Variants in HECTD4 observed in about 807,000 individuals in gnomAD.
The protein encoded by HECTD4 is probable E3 ubiquitin-protein ligase HECTD4.
A neutral mutation model predicts 471.5 loss-of-function variants in HECTD4; 114 were observed. The observed-to-expected ratio is 0.24, with a 90% CI of 0.21 to 0.28. The LOEUF is 0.28. Among genes scored for constraint, HECTD4 ranks in the 10% least tolerant of loss-of-function variants. The probability of loss-of-function intolerance (pLI) is 1.00; values close to 1 mark genes in which losing one functional copy is unlikely to be tolerated. For synonymous variants in HECTD4, 2,012 were observed against 2,256.0 expected, an observed-to-expected ratio of 0.89 and a Z score of 3.07; for missense variants, 3,866 against 5,651.5, an observed-to-expected ratio of 0.68 and a Z score of 10.13.
Position 112,179,158 on chromosome 12 carries a change from G to A in HECTD4, c.11211+16C>T. 6.2e-7 allele frequency: 1 copy of A among 1,613,390 alleles called. No homozygotes were observed. On this transcript the variant is annotated intron_variant, in intron 63 of 75. Coordinates refer to ENST00000682272, the MANE Select transcript of HECTD4 (RefSeq NM_001388303.1). This position sits in a 1 kb window ranked among gnomAD's most constrained non-coding sequence, Gnocchi z 4.3. ...ACCCAAGGCCCGGCCTGGGTATGGT[G>A]GGGACGGGCAGCTACCTGGGTGAGC...
chr12:112,350,388 T>C (rs945032792), intron 1 of HECTD4, among the ~76,000 whole-genome samples: 10 of 152,214 alleles, frequency 6.6e-5, no homozygotes, highest in African/African-American at 2.4e-4. Flanking sequence ...ATAATATTAT[T>C]TTGTATAACT....
At chr12:112,240,359 A>G (rs775374509) in intron 32 of HECTD4, among the ~76,000 whole-genome samples, 2 of 152,236 alleles carry the variant, frequency 1.3e-5, no homozygotes, top group Non-Finnish European at 2.9e-5. Context: ...ACATTTTCCA[A>G]ACTTATTTGA....
intron 32 of HECTD4, among the ~76,000 whole-genome samples, chr12:112,242,146 A>G (rs576356430): frequency 6.6e-6 from 1 of 152,352 alleles, no homozygotes; most frequent in South Asian, 2.1e-4. Context: ...GTTCAGTAAT[A>G]ACAGTTATGG....
intron 1 of HECTD4, among the ~76,000 whole-genome samples, chr12:112,367,892 G>A (rs538672362): frequency 1.4e-5 from 2 of 144,146 alleles, no homozygotes; most frequent in East Asian, 4.2e-4. Context: ...TTTCTACTCT[G>A]CCCCATAAAT....
chr12:112,302,542 T>G (rs1026567628), intron 7 of HECTD4: 12 of 712,978 alleles, frequency 1.7e-5, no homozygotes, highest in Non-Finnish European at 1.0e-5. Context: ...CTGGATGTCC[T>G]GTCCAATACC....
intron 72 of HECTD4, 55 bp from the exon 73 acceptor site, chr12:112,164,330 T>G: frequency 1.9e-6 from 3 of 1,552,302 alleles, no homozygotes; most frequent in Non-Finnish European, 2.6e-6. Flanking sequence ...GGTGGAACCC[T>G]GATCCCCAGG....
chr12:112,205,488 A>G (rs1464864801), intron 52 of HECTD4, among the ~76,000 whole-genome samples: 2 of 152,244 alleles, frequency 1.3e-5, no homozygotes, highest in Non-Finnish European at 2.9e-5. Context: ...CAAAATGACT[A>G]AAAATGGTCC....
At chr12:112,249,184 G>A (rs140580455) in intron 25 of HECTD4, among the ~76,000 whole-genome samples, 19 of 151,958 alleles carry the variant, frequency 1.3e-4, no homozygotes, top group Middle Eastern at 6.8e-3. Flanking sequence ...GAGAAACCCC[G>A]TCTCTACTAA....
In HECTD4 at chr12:112,231,724, A is replaced by T. The variant is rs2033385158; in HGVS notation, c.5998-9T>A. On this transcript the variant is annotated splice_polypyrimidine_tract_variant and intron_variant, in intron 38 of 75. Coordinates refer to ENST00000682272, the MANE Select transcript of HECTD4 (RefSeq NM_001388303.1). ...ACTTCGCAACAGCCACCCTGGGGTG[A>T]GGTTGAAGACGCTGAGAAGATTCAT... 2 of 1,606,932 alleles carry T rather than the reference A, an allele frequency of 1.2e-6. No individual in the cohort carries two copies. Among genetic ancestry groups the T allele is most frequent in the Non-Finnish European group, 1.7e-6 (2 of 1,177,654 alleles).
intron 2 of HECTD4, among the ~76,000 whole-genome samples, chr12:112,315,151 A>T (rs2035453009): frequency 6.6e-6 from 1 of 152,224 alleles, no homozygotes; most frequent in Non-Finnish European, 1.5e-5. Flanking sequence ...GAAGTCTGTC[A>T]TATGGTCAGC....
chr12:112,374,722 G>A (rs953241059), intron 1 of HECTD4, among the ~76,000 whole-genome samples: 4 of 152,208 alleles, frequency 2.6e-5, no homozygotes, highest in African/African-American at 9.7e-5. Flanking sequence ...GGCTAGCAGT[G>A]TCCTCCTAGG....
At chr12:112,164,053 C>CCTGG in intron 73 of HECTD4, 56 bp downstream of exon 73, 6 of 1,376,486 alleles carry the variant, frequency 4.4e-6, no homozygotes, top group Non-Finnish European at 4.7e-6. Flanking sequence ...GCTGTCATAC[C>CCTGG]CTGGCTGGCT....
Position 112,235,255 on chromosome 12 carries a change from C to G in HECTD4, c.5737G>C (p.Val1913Leu). The change falls in exon 37 of 76, where the codon GTT (valine) becomes CTT (leucine). Residue 1913 changes from valine (V) to leucine (L), a missense_variant. Physicochemically the swap from Val to Leu is conservative, Grantham distance 32. Transcript: ENST00000682272. This position sits in a 1 kb window ranked among gnomAD's most constrained non-coding sequence, Gnocchi z 5.0. ...ADYVVPGCQT[V>L]LSPTASEPDT... ...GGTTCAGAAGCGGTTGGAGAAAGAA[C>G]TGTCTGACATCCTTTAAGCAAAAAA... 1.2e-6 allele frequency: 2 copies of G among 1,613,530 alleles called. No homozygotes were observed. The highest frequency in any genetic ancestry group is 1.7e-6 in the Non-Finnish European group (2 of 1,179,700).
chr12:112,205,415 CAGA>C (rs2032548016), intron 52 of HECTD4, among the ~76,000 whole-genome samples: 1 of 152,054 alleles, frequency 6.6e-6, no homozygotes, highest in South Asian at 2.1e-4. Flanking sequence ...GCCTGGGAGA[CAGA>C]GCAAGTAGCA....
At chr12:112,340,758 C>G (rs1435845662) in intron 1 of HECTD4, among the ~76,000 whole-genome samples, 2 of 151,992 alleles carry the variant, frequency 1.3e-5, no homozygotes, top group Non-Finnish European at 2.9e-5. Flanking sequence ...ATAGAAAGCC[C>G]CTGTTTGCAA....
Position 112,259,271 on chromosome 12 carries a change from A to G in HECTD4, c.2874-6T>C, listed in dbSNP as rs547938484. ...CTTGTTCCAAGCCTTTTAACCTACA[A>G]AAAGTTCAAGAAAAACACACAGCCT... On this transcript the variant is annotated splice_polypyrimidine_tract_variant and splice_region_variant and intron_variant, in intron 18 of 75. Transcript: ENST00000682272. 6.2e-7 allele frequency: 1 copy of G among 1,613,560 alleles called. No individual in the cohort carries two copies. The highest frequency in any genetic ancestry group is 1.3e-5 in the African/African-American group (1 of 75,034).
intron 7 of HECTD4, among the ~76,000 whole-genome samples, chr12:112,287,104 C>T (rs2135648301): frequency 6.6e-6 from 1 of 152,288 alleles, no homozygotes; most frequent in South Asian, 2.1e-4. Context: ...CAGGTCTCAG[C>T]TCAAATGTCT....
chr12:112,308,801 A>G lies in HECTD4; in HGVS notation c.1116T>C (p.Asp372=). Residue 372 remains aspartate (D), a synonymous_variant, in exon 6 of 76, where the codon GAT becomes GAC. Coordinates refer to ENST00000682272, the MANE Select transcript of HECTD4 (RefSeq NM_001388303.1). ...GSLLHRPVSF[D]NKPHSLFQVI... ...CCTGGAAAAGGGAGTGAGGTTTATT[A>G]TCGAAAGAGACAGGCCGGTGGAGAA... The G allele has an allele frequency of 6.5e-7, 1 of 1,536,060 alleles. No individual in the cohort carries two copies. Among genetic ancestry groups the G allele is most frequent in the South Asian group, 1.2e-5 (1 of 84,056 alleles).
At chr12:112,170,154 C>G in intron 69 of HECTD4, 179 bp downstream of exon 69, 2 of 831,230 alleles carry the variant, frequency 2.4e-6, no homozygotes, top group Non-Finnish European at 1.9e-6. Flanking sequence ...CTGCTATGCC[C>G]CTTCCCTGAG....
Sources: gnomAD v4.1 joint callset for allele counts (sites outside exome capture counted in the v4.1 genomes callset) on GRCh38, gnomAD v4.1.1 for gene constraint, Gnocchi (gnomAD v3.1) non-coding constraint, MANE v1.5 for transcripts, NCBI Gene and HGNC (gene_info 2026-07-23, HGNC 2026-07-21) for gene names.